The following IL1RL2 variants were observed in gnomAD, a reference collection of about 807,000 sequenced individuals.
IL1RL2 encodes interleukin-1 receptor-like 2.
A neutral mutation model predicts 66.8 loss-of-function variants in IL1RL2; 68 were observed. That is an observed-to-expected ratio of 1.02 (90% CI 0.84 to 1.25). The LOEUF is 1.25. Among genes scored for constraint, IL1RL2 ranks in the 50% most tolerant of loss-of-function variants. The pLI, the probability that IL1RL2 is intolerant of heterozygous loss-of-function variation, is 0.00. For missense variants in IL1RL2, 729 were observed against 709.3 expected (o/e 1.03, Z -0.32); for synonymous variants, 305 against 264.6 (o/e 1.15, Z -1.48).
intron 10 of IL1RL2, among the ~76,000 whole-genome samples, chr2:102,233,582 T>A (rs761680200): frequency 2.0e-5 from 3 of 152,108 alleles, no homozygotes; most frequent in Non-Finnish European, 4.4e-5. Flanking sequence ...CCCCCTCCCC[T>A]CCCTAAATAT....
chr2:102,206,852 G>A (rs1285007618), intron 5 of IL1RL2, among the ~76,000 whole-genome samples: 1 of 152,352 alleles, frequency 6.6e-6, no homozygotes, highest in East Asian at 1.9e-4. Context: ...CAGGCCCTGG[G>A]TGGATCCAGA....
intron 9 of IL1RL2, among the ~76,000 whole-genome samples, chr2:102,227,954 G>A (rs553657464): frequency 1.3e-5 from 2 of 152,240 alleles, no homozygotes; most frequent in African/African-American, 4.8e-5. Context: ...AGAGAAAACA[G>A]GAATAGTGAC....
intron 11 of IL1RL2, chr2:102,236,060 G>A (rs1475738579): frequency 5.3e-6 from 3 of 567,294 alleles, no homozygotes; most frequent in African/African-American, 4.1e-5. Flanking sequence ...TATAGTCCAA[G>A]CAAGGCAAAG....
rs10184622 is a variant in IL1RL2, at chr2:102,209,358, G to A, written c.650-2742G>A. ...AGCAGGAAAAGAATAAGAAGGGTCC[G>A]TGGGTGGCACGCAAATGGTCTGGGA... On this transcript the variant is annotated intron_variant, in intron 5 of 11. Transcript: ENST00000264257. Among the ~76,000 whole-genome samples, 835 of 152,300 alleles carry A rather than the reference G, an allele frequency of 5.5e-3. 12 individuals carry two copies. The highest frequency in any genetic ancestry group is 0.019 in the African/African-American group (793 of 41,564).
At chr2:102,233,762 G>A (rs1674565681) in intron 10 of IL1RL2, among the ~76,000 whole-genome samples, 2 of 152,094 alleles carry the variant, frequency 1.3e-5, no homozygotes, top group Non-Finnish European at 2.9e-5. Flanking sequence ...CCGGCATGGA[G>A]CTCAGCACAC....
At chr2:102,241,283 A>G (rs1284831101), downstream of IL1RL2, among the ~76,000 whole-genome samples, 2 of 152,230 alleles carry the variant, frequency 1.3e-5, no homozygotes, top group Admixed American at 1.3e-4. Context: ...AGTGGGGATC[A>G]GCAGGCCCTG....
chr2:102,242,093 G>C (rs1269691345), downstream of IL1RL2, among the ~76,000 whole-genome samples: 1 of 152,194 alleles, frequency 6.6e-6, no homozygotes, highest in Non-Finnish European at 1.5e-5. Context: ...AGACACTTAC[G>C]CAAGTCTGCT....
At chr2:102,218,589 C>T (rs926338708) in intron 6 of IL1RL2, among the ~76,000 whole-genome samples, 3 of 152,212 alleles carry the variant, frequency 2.0e-5, no homozygotes, top group African/African-American at 7.2e-5. Context: ...AGCCCCTCCC[C>T]TTTTCCTGCC....
In IL1RL2 at chr2:102,239,513, G is replaced by A. The variant is rs1013782285; in HGVS notation, c.*272G>A. Reference sequence around the variant, plus strand: ...GGAGGGTGAGGGCTGGTCGGGGGAGGCATCCCCAAGTCATGGTGGGTGAGA... The same window carrying A: ...GGAGGGTGAGGGCTGGTCGGGGGAGACATCCCCAAGTCATGGTGGGTGAGA... On this transcript the variant is annotated 3_prime_UTR_variant, in exon 12 of 12. Coordinates refer to ENST00000264257, the MANE Select transcript of IL1RL2 (RefSeq NM_003854.4). The A allele has an allele frequency of 2.6e-6, 1 of 385,526 alleles. No homozygotes were observed. Among genetic ancestry groups the A allele is most frequent in the South Asian group, 2.8e-5 (1 of 36,046 alleles). The allele number at this position is 385,526 out of a possible 1,614,324, so 23.9% of individuals were successfully genotyped here.
chr2:102,202,701 T>C (rs1038753113), intron 5 of IL1RL2, among the ~76,000 whole-genome samples: 5 of 152,226 alleles, frequency 3.3e-5, no homozygotes, highest in Non-Finnish European at 7.3e-5. Flanking sequence ...TGCTGGCATA[T>C]AGAAATGCTA....
chr2:102,234,837 C>T, intron 10 of IL1RL2, 60 bp from the exon 11 acceptor site: 1 of 1,441,204 alleles, frequency 6.9e-7, no homozygotes, highest in Non-Finnish European at 9.6e-7. Flanking sequence ...TTCTCACTAG[C>T]ATTAAGACCC....
intron 8 of IL1RL2, among the ~76,000 whole-genome samples, chr2:102,221,252 G>C (rs892366046): frequency 1.3e-5 from 2 of 152,102 alleles, no homozygotes; most frequent in African/African-American, 2.4e-5. Context: ...GTACCTCTAA[G>C]AGGTTCATCA....
intron 3 of IL1RL2, among the ~76,000 whole-genome samples, chr2:102,191,475 T>C (rs981691023): frequency 6.6e-6 from 1 of 152,224 alleles, no homozygotes; most frequent in African/African-American, 2.4e-5. Flanking sequence ...GCCATGAATA[T>C]TTAATTTCTT....
At chr2:102,228,721 A>G (rs1484841729) in intron 9 of IL1RL2, among the ~76,000 whole-genome samples, 1 of 152,260 alleles carries the variant, frequency 6.6e-6, no homozygotes, top group Non-Finnish European at 1.5e-5. Context: ...AAGTCGGGGT[A>G]GAGTTAATGA....
rs759936761 is a variant in IL1RL2 at position 102,212,155 on chromosome 2, T to C, written c.705T>C (p.His235=). ...CTAAAATCATTTATCCAAAAAATCA[T>C]TCAATTGAAGTACAGCTTGGTGAGT... ...SVPKIIYPKN[H]SIEVQLGTTL... The change falls in exon 6 of 12, where the codon CAT becomes CAC. Residue 235 remains histidine, a synonymous_variant. Transcript: ENST00000264257. 1.6e-5 allele frequency: 25 copies of C among 1,612,398 alleles called. No individual in the cohort carries two copies. The East Asian group carries it at 2.2e-4, about 14-fold the overall frequency.
intron 4 of IL1RL2, among the ~76,000 whole-genome samples, chr2:102,199,564 C>A (rs544235076): frequency 6.6e-6 from 1 of 152,126 alleles, no homozygotes; most frequent in African/African-American, 2.4e-5. Flanking sequence ...AGACATTACC[C>A]TAAAGATTTT....
At chr2:102,206,026 C>G (rs1164118597) in intron 5 of IL1RL2, among the ~76,000 whole-genome samples, 1 of 152,030 alleles carries the variant, frequency 6.6e-6, no homozygotes, top group Non-Finnish European at 1.5e-5. Flanking sequence ...TATTAAAGGA[C>G]TCTGATGCAT....
chr2:102,222,439 A>G (rs1338762640), intron 8 of IL1RL2, among the ~76,000 whole-genome samples: 1 of 152,154 alleles, frequency 6.6e-6, no homozygotes, highest in Non-Finnish European at 1.5e-5. Context: ...TAACATTTCT[A>G]TATAATGCCA....
intron 6 of IL1RL2, among the ~76,000 whole-genome samples, chr2:102,217,881 T>G (rs957349728): frequency 3.3e-5 from 5 of 152,174 alleles, no homozygotes. Context: ...CAAGATGTTT[T>G]GGATAAGATC....
Sources: allele counts gnomAD v4.1 joint callset (sites outside exome capture counted in the v4.1 genomes callset), GRCh38; gene constraint gnomAD v4.1.1; transcripts MANE v1.5; gene names NCBI Gene and HGNC (gene_info 2026-07-23, HGNC 2026-07-21).